The following JMJD1C variants were observed in gnomAD, a reference collection of about 807,000 sequenced individuals.
JMJD1C encodes jumonji domain-containing protein 1C.
A neutral mutation model predicts 245.3 loss-of-function variants in JMJD1C; 31 were observed. The observed-to-expected ratio is 0.13, with a 90% CI of 0.09 to 0.17. The LOEUF (loss-of-function observed/expected upper bound fraction) is 0.17. Among genes scored for constraint, JMJD1C ranks in the 10% least tolerant of loss-of-function variants. The probability of loss-of-function intolerance (pLI) is 1.00; values close to 1 mark genes in which losing one functional copy is unlikely to be tolerated. For missense variants in JMJD1C, 2,691 were observed against 3,000.2 expected, an observed-to-expected ratio of 0.90 and a Z score of 2.41; for synonymous variants, 1,057 against 1,017.4, an observed-to-expected ratio of 1.04 and a Z score of -0.74.
intron 3 of JMJD1C, among the ~76,000 whole-genome samples, chr10:63,255,714 T>C (rs528626604): frequency 3.0e-4 from 45 of 152,300 alleles, no homozygotes; most frequent in African/African-American, 8.4e-4. Context: ...AATTAATATA[T>C]ATCCTGAAAG....
intron 2 of JMJD1C, among the ~76,000 whole-genome samples, chr10:63,337,681 A>G (rs577735078): frequency 6.6e-6 from 1 of 152,074 alleles, no homozygotes; most frequent in South Asian, 2.1e-4. Context: ...TAACAGTGGC[A>G]GTCCTGTTCC....
intron 2 of JMJD1C, among the ~76,000 whole-genome samples, chr10:63,374,862 A>C (rs930080905): frequency 6.6e-6 from 1 of 152,158 alleles, no homozygotes; most frequent in Non-Finnish European, 1.5e-5. Context: ...AAGAAGGCAG[A>C]GATTTTGTAC....
At chr10:63,266,861 T>C (rs918796421) in intron 2 of JMJD1C, among the ~76,000 whole-genome samples, 2 of 151,996 alleles carry the variant, frequency 1.3e-5, no homozygotes, top group Non-Finnish European at 2.9e-5. Flanking sequence ...CATTTTATAA[T>C]ATGAAAAACA....
At chr10:63,472,861 C>T (rs1953536061) in intron 1 of JMJD1C, among the ~76,000 whole-genome samples, 1 of 151,418 alleles carries the variant, frequency 6.6e-6, no homozygotes, top group East Asian at 2.0e-4. Flanking sequence ...ATAGGATCAC[C>T]GCAACCGCCT....
intron 13 of JMJD1C, among the ~76,000 whole-genome samples, chr10:63,196,599 G>A (rs573678591): frequency 6.6e-6 from 1 of 152,236 alleles, no homozygotes; most frequent in East Asian, 1.9e-4. Flanking sequence ...ACACTACTCT[G>A]AAAAAAGAGC....
intron 2 of JMJD1C, among the ~76,000 whole-genome samples, chr10:63,279,674 T>C (rs1390412645): frequency 2.6e-5 from 4 of 152,128 alleles, no homozygotes; most frequent in African/African-American, 9.7e-5. Flanking sequence ...GAGGAGCACT[T>C]GAGCCCACGA....
At chr10:63,466,383 AGCAGTCCC>A (rs1953284655), upstream of JMJD1C, 1 of 152,888 alleles carries the variant, frequency 6.5e-6, no homozygotes, top group East Asian at 1.9e-4. Flanking sequence ...AGCCTGAATT[AGCAGTCCC>A]GCAGTAACAG....
chr10:63,491,266 CCA>C (rs1954167602), intron 1 of JMJD1C, among the ~76,000 whole-genome samples: 1 of 152,154 alleles, frequency 6.6e-6, no homozygotes, highest in South Asian at 2.1e-4. Context: ...ACCCCCTCCC[CCA>C]GTTATTCTTA....
intron 1 of JMJD1C, among the ~76,000 whole-genome samples, chr10:63,439,583 T>C (rs898650857): frequency 3.3e-5 from 5 of 152,204 alleles, no homozygotes; most frequent in Non-Finnish European, 1.5e-5. Flanking sequence ...GGAGGATATT[T>C]CTATTGAACC....
At chr10:63,404,555 G>T (rs1227754400) in intron 1 of JMJD1C, among the ~76,000 whole-genome samples, 6 of 151,966 alleles carry the variant, frequency 3.9e-5, no homozygotes, top group African/African-American at 1.5e-4. Context: ...TAAGTATTAA[G>T]ATATATTTGA....
At chr10:63,310,383 T>C (rs1939007543) in intron 2 of JMJD1C, among the ~76,000 whole-genome samples, 1 of 152,198 alleles carries the variant, frequency 6.6e-6, no homozygotes. Flanking sequence ...GCAAGACTTA[T>C]AAAGTTACAA....
At chr10:63,361,719 T>TAAAAAAAAAAAAAAAAAA (rs55879769) in intron 2 of JMJD1C, among the ~76,000 whole-genome samples, 3 of 95,604 alleles carry the variant, frequency 3.1e-5, no homozygotes, top group African/African-American at 1.3e-4. Flanking sequence ...CTGTCTCAAC[T>TAAAAAAAAAAAAAAAAAA]AAAAAAAAAA....
chr10:63,483,934 A>G (rs1038632166), intron 1 of JMJD1C, among the ~76,000 whole-genome samples: 5 of 152,232 alleles, frequency 3.3e-5, no homozygotes, highest in African/African-American at 9.6e-5. Flanking sequence ...TCAGCATGTC[A>G]TAACTACTAA....
chr10:63,390,097 CTG>C (rs1323523884), intron 1 of JMJD1C, among the ~76,000 whole-genome samples: 2 of 152,050 alleles, frequency 1.3e-5, no homozygotes, highest in Non-Finnish European at 2.9e-5. Context: ...AAATGAAAAA[CTG>C]TTTTTTGAAG....
chr10:63,435,312 A>AT (rs1951000224), intron 1 of JMJD1C, among the ~76,000 whole-genome samples: 2 of 152,236 alleles, frequency 1.3e-5, no homozygotes, highest in East Asian at 3.9e-4. Flanking sequence ...GCTTTGGCTT[A>AT]TTTTTTCCAG....
chr10:63,452,767 A>G (rs1325017525), intron 1 of JMJD1C, among the ~76,000 whole-genome samples: 1 of 152,204 alleles, frequency 6.6e-6, no homozygotes. Flanking sequence ...GATACTTGCT[A>G]CAACACAGAT....
intron 25 of JMJD1C, 95 bp from the exon 26 acceptor site, chr10:63,168,229 G>T: frequency 1.8e-6 from 2 of 1,089,750 alleles, no homozygotes; most frequent in Non-Finnish European, 2.7e-6. Flanking sequence ...TAGGGAACTA[G>T]GAAAGCCAAA....
chr10:63,248,992 CAT>C (rs1248968649), intron 3 of JMJD1C, among the ~76,000 whole-genome samples: 3 of 152,220 alleles, frequency 2.0e-5, no homozygotes, highest in South Asian at 2.1e-4. Flanking sequence ...CAAATGATCA[CAT>C]GTTGTCACTG....
At chr10:63,262,067 A>G (rs1238039997) in intron 3 of JMJD1C, among the ~76,000 whole-genome samples, 2 of 152,238 alleles carry the variant, frequency 1.3e-5, no homozygotes, top group African/African-American at 4.8e-5. Context: ...AAAAAGTGAG[A>G]AAGAAATAAG....
Sources: allele counts gnomAD v4.1 joint callset (sites outside exome capture counted in the v4.1 genomes callset), GRCh38; gene constraint gnomAD v4.1.1; transcripts MANE v1.5; gene names NCBI Gene and HGNC (gene_info 2026-07-23, HGNC 2026-07-21).